UBAC2: variants seen among roughly 807,000 people sequenced by gnomAD.
UBAC2 encodes ubiquitin-associated domain-containing protein 2.
A neutral mutation model predicts 44.0 loss-of-function variants in UBAC2; 26 were observed. The ratio of observed to expected loss-of-function variants is 0.59; its 90% CI spans 0.43 to 0.82. UBAC2 has a LOEUF of 0.82. UBAC2 is among the 40% of genes least tolerant of loss of function. UBAC2 has a pLI of 0.00. For synonymous variants in UBAC2, 155 were observed against 154.3 expected (o/e 1.00, Z -0.04); for missense variants, 329 against 419.4 (o/e 0.78, Z 1.88).
At chr13:99,354,252 G>C (rs1444229747) in intron 7 of UBAC2, among the ~76,000 whole-genome samples, 1 of 152,252 alleles carries the variant, frequency 6.6e-6, no homozygotes, top group Non-Finnish European at 1.5e-5. Flanking sequence ...TGAGCCGGGT[G>C]ACATGGGGGT....
At chr13:99,286,719 CA>C (rs2044023322) in intron 4 of UBAC2, among the ~76,000 whole-genome samples, 1 of 152,124 alleles carries the variant, frequency 6.6e-6, no homozygotes, top group Non-Finnish European at 1.5e-5. Flanking sequence ...CATGTGTATT[CA>C]ATGTTTAGCT....
intron 4 of UBAC2, among the ~76,000 whole-genome samples, chr13:99,279,284 CAA>C (rs1037402168): frequency 5.9e-5 from 9 of 152,032 alleles, no homozygotes; most frequent in Non-Finnish European, 4.4e-5. Flanking sequence ...TTGCACAGAG[CAA>C]AGTTGACTAA....
chr13:99,275,690 G>C (rs2043872239), intron 4 of UBAC2, among the ~76,000 whole-genome samples: 1 of 152,050 alleles, frequency 6.6e-6, no homozygotes, highest in Non-Finnish European at 1.5e-5. Context: ...TGTTTCTTCT[G>C]AGTTCCTTTT....
intron 1 of UBAC2, among the ~76,000 whole-genome samples, chr13:99,221,207 A>G (rs762820291): frequency 6.6e-6 from 1 of 152,216 alleles, no homozygotes; most frequent in Non-Finnish European, 1.5e-5. Context: ...CTTTGTGCAC[A>G]TTTATGATAA....
At chr13:99,349,829 G>C (rs1375437425) in intron 7 of UBAC2, among the ~76,000 whole-genome samples, 2 of 152,186 alleles carry the variant, frequency 1.3e-5, no homozygotes, top group Non-Finnish European at 2.9e-5. Context: ...AGGGGTTTAG[G>C]ACTTCGGATG....
chr13:99,203,948 G>C lies in UBAC2; in HGVS notation c.31+3009G>C, dbSNP rs534822919. Among the ~76,000 whole-genome samples the C allele has an allele frequency of 2.0e-5, 3 of 152,310 alleles. No individual in the cohort carries two copies. The East Asian group carries it at 5.8e-4, about 29-fold the overall frequency. ...TTCAAGTGCTTGAAACTATATTGCTGTCTGCAATTATGACCGGGTAAAAGT... is the reference window on the plus strand; with the variant it reads ...TTCAAGTGCTTGAAACTATATTGCTCTCTGCAATTATGACCGGGTAAAAGT... On this transcript the variant is annotated intron_variant, in intron 1 of 8. Transcript: ENST00000403766.
chr13:99,319,802 C>T (rs993473692), intron 6 of UBAC2, among the ~76,000 whole-genome samples: 1 of 152,204 alleles, frequency 6.6e-6, no homozygotes, highest in Non-Finnish European at 1.5e-5. Context: ...TCCCCCAAGT[C>T]TAGGCTCACC....
At chr13:99,320,763 G>A (rs2044557340) in intron 6 of UBAC2, among the ~76,000 whole-genome samples, 1 of 152,134 alleles carries the variant, frequency 6.6e-6, no homozygotes, top group African/African-American at 2.4e-5. Flanking sequence ...AAGGAAGATT[G>A]TAAAAGACAA....
intron 4 of UBAC2, among the ~76,000 whole-genome samples, chr13:99,285,840 G>A (rs932237173): frequency 2.0e-5 from 3 of 152,162 alleles, no homozygotes; most frequent in Admixed American, 2.0e-4. Flanking sequence ...TGTGGCTCTT[G>A]AATTCAGTAT....
intron 7 of UBAC2, among the ~76,000 whole-genome samples, chr13:99,342,992 C>G (rs2044915844): frequency 6.6e-6 from 1 of 152,234 alleles, no homozygotes; most frequent in Non-Finnish European, 1.5e-5. Context: ...CCCTCTGTCA[C>G]TTGGTCATGA....
chr13:99,368,713 G>GTGTGTA (rs1555332925), intron 8 of UBAC2, among the ~76,000 whole-genome samples: 9 of 152,140 alleles, frequency 5.9e-5, no homozygotes, highest in African/African-American at 2.2e-4. Context: ...GTGTGTGTGT[G>GTGTGTA]TGTGTGTGTG....
intron 4 of UBAC2, among the ~76,000 whole-genome samples, chr13:99,267,515 G>A (rs1190791499): frequency 2.0e-5 from 3 of 152,190 alleles, no homozygotes; most frequent in Admixed American, 2.0e-4. Context: ...AGCCGAAGCA[G>A]TATTTTCCTG....
chr13:99,357,134 A>T (rs1249469463), intron 7 of UBAC2, among the ~76,000 whole-genome samples: 2 of 152,234 alleles, frequency 1.3e-5, no homozygotes, highest in East Asian at 3.8e-4. Flanking sequence ...CTATGTTTAG[A>T]TACACAACTA....
chr13:99,287,672 A>T, intron 4 of UBAC2, among the ~76,000 whole-genome samples: 1 of 121,816 alleles, frequency 8.2e-6, no homozygotes, highest in African/African-American at 3.3e-5. Flanking sequence ...TTTGGTAGAG[A>T]CGAGGTTTCG....
intron 1 of UBAC2, among the ~76,000 whole-genome samples, chr13:99,208,563 C>G (rs1176394933): frequency 6.6e-6 from 1 of 152,230 alleles, no homozygotes; most frequent in Non-Finnish European, 1.5e-5. Flanking sequence ...ATTAACACTT[C>G]AGTCTTCATT....
At chr13:99,201,049 C>G in intron 1 of UBAC2, 110 bp downstream of exon 1, 1 of 1,302,200 alleles carries the variant, frequency 7.7e-7, no homozygotes, top group Non-Finnish European at 9.8e-7. Context: ...GTGGTGGGGC[C>G]GACCCTCCAG....
intron 1 of UBAC2, among the ~76,000 whole-genome samples, chr13:99,225,318 T>C (rs2043099529): frequency 6.6e-6 from 1 of 152,212 alleles, no homozygotes; most frequent in African/African-American, 2.4e-5. Flanking sequence ...CTCCGCCCAC[T>C]GTACCCTGCC....
At chr13:99,267,298 T>A (rs1406069946) in intron 4 of UBAC2, among the ~76,000 whole-genome samples, 2 of 152,226 alleles carry the variant, frequency 1.3e-5, no homozygotes, top group African/African-American at 4.8e-5. Flanking sequence ...AAATATTTTT[T>A]CTCTTACTCC....
chr13:99,311,117 T>G (rs1339411181), intron 4 of UBAC2, among the ~76,000 whole-genome samples: 1 of 152,250 alleles, frequency 6.6e-6, no homozygotes, highest in African/African-American at 2.4e-5. Flanking sequence ...AACCTTACTC[T>G]ATGCCAGGCA....
Sources: allele counts gnomAD v4.1 joint callset (sites outside exome capture counted in the v4.1 genomes callset), GRCh38; gene constraint gnomAD v4.1.1; transcripts MANE v1.5; gene names NCBI Gene and HGNC (gene_info 2026-07-23, HGNC 2026-07-21).